The following ACTR10 variants were observed in gnomAD, a reference collection of about 807,000 sequenced individuals.
ACTR10 encodes actin related protein 10.
Under a neutral mutation model 56.2 loss-of-function variants are expected in ACTR10, and 43 were observed. The observed-to-expected ratio is 0.77, with a 90% CI of 0.60 to 0.99. The LOEUF is 0.99. ACTR10 is among the 50% of genes least tolerant of loss of function. ACTR10 has a pLI of 0.00. For missense variants in ACTR10, 466 were observed against 507.8 expected (o/e 0.92, Z 0.79); for synonymous variants, 170 against 176.3 (o/e 0.96, Z 0.28).
At chr14:58,233,915 A>C (rs998530755) in intron 12 of ACTR10, among the ~76,000 whole-genome samples, 1 of 152,220 alleles carries the variant, frequency 6.6e-6, no homozygotes, top group East Asian at 1.9e-4. Flanking sequence ...TTTTTAAAAG[A>C]CTGCCTTGTG....
At chr14:58,209,412 T>A (rs1888943697) in intron 4 of ACTR10, among the ~76,000 whole-genome samples, 1 of 152,170 alleles carries the variant, frequency 6.6e-6, no homozygotes, top group African/African-American at 2.4e-5. Flanking sequence ...ACTGTTTATT[T>A]ATTTTAATAT....
intron 7 of ACTR10, 126 bp from the exon 8 acceptor site, chr14:58,219,568 G>T: frequency 1.9e-6 from 1 of 533,602 alleles, no homozygotes; most frequent in Non-Finnish European, 3.2e-6. Context: ...TAGACTTTTT[G>T]AGAAAATTAT....
chr14:58,214,721 C>T (rs1889090970), intron 6 of ACTR10, among the ~76,000 whole-genome samples: 1 of 150,192 alleles, frequency 6.7e-6, no homozygotes, highest in African/African-American at 2.4e-5. Flanking sequence ...AAACTCCTGA[C>T]CTCAGGTGAT....
intron 2 of ACTR10, 126 bp downstream of exon 2, chr14:58,203,053 A>T: frequency 1.7e-6 from 1 of 580,042 alleles, no homozygotes; most frequent in Non-Finnish European, 2.9e-6. Flanking sequence ...TGTAATCCCA[A>T]CACTTTGGGT....
At chr14:58,228,841 G>A (rs567017787) in intron 10 of ACTR10, among the ~76,000 whole-genome samples, 1 of 151,774 alleles carries the variant, frequency 6.6e-6, no homozygotes, top group Non-Finnish European at 1.5e-5. Context: ...ATTGCATCTG[G>A]CCAAAGGCTG....
chr14:58,218,153 A>C (rs1889180581), intron 7 of ACTR10, among the ~76,000 whole-genome samples: 1 of 152,182 alleles, frequency 6.6e-6, no homozygotes, highest in South Asian at 2.1e-4. Context: ...GTTCTTTGAC[A>C]TGTTAAAATT....
At chr14:58,222,359 G>A (rs1418069897) in intron 8 of ACTR10, among the ~76,000 whole-genome samples, 5 of 152,132 alleles carry the variant, frequency 3.3e-5, no homozygotes, top group Non-Finnish European at 7.4e-5. Context: ...AATGCAAAAA[G>A]TAAAGTGATA....
At chr14:58,201,437 TA>T (rs928910603) in intron 1 of ACTR10, among the ~76,000 whole-genome samples, 2 of 151,836 alleles carry the variant, frequency 1.3e-5, no homozygotes, top group African/African-American at 4.8e-5. Context: ...ATGTATGAAG[TA>T]AAAAAAAGGA....
intron 10 of ACTR10, among the ~76,000 whole-genome samples, chr14:58,227,972 C>A (rs992642912): frequency 6.6e-6 from 1 of 152,146 alleles, no homozygotes; most frequent in East Asian, 1.9e-4. Context: ...CGCAGTGGCT[C>A]ACACCTGTAA....
chr14:58,217,201 A>G (rs1889152307), intron 7 of ACTR10, among the ~76,000 whole-genome samples: 1 of 152,228 alleles, frequency 6.6e-6, no homozygotes. Context: ...TAATATTTCC[A>G]TAAAATTATA....
intron 10 of ACTR10, among the ~76,000 whole-genome samples, chr14:58,227,225 T>C (rs1889425773): frequency 6.6e-6 from 1 of 151,852 alleles, no homozygotes; most frequent in African/African-American, 2.4e-5. Flanking sequence ...TAGGAATCAG[T>C]CTTGGTACAG....
chr14:58,200,409 T>A, intron 1 of ACTR10, 115 bp downstream of exon 1: 2 of 757,014 alleles, frequency 2.6e-6, no homozygotes, highest in Non-Finnish European at 3.7e-6. Flanking sequence ...GCCTCCCCTT[T>A]TCTTCAACCA....
At chr14:58,233,130 C>T (rs1378169824) in intron 12 of ACTR10, among the ~76,000 whole-genome samples, 1 of 152,130 alleles carries the variant, frequency 6.6e-6, no homozygotes, top group African/African-American at 2.4e-5. Flanking sequence ...GCCTCTGCCT[C>T]CCAAAGTGCT....
In ACTR10 at chr14:58,235,610, T is replaced by G. The variant is rs992382922; in HGVS notation, c.*1059T>G. ...AACTTTTATTTTATTTTTTCATTTG[T>G]TTTTAATGAACTACCTCTTGTTGAA... On this transcript the variant is annotated 3_prime_UTR_variant, in exon 13 of 13. Coordinates refer to ENST00000254286, the MANE Select transcript of ACTR10 (RefSeq NM_018477.3). 6.6e-6 allele frequency: 1 copy of G among 152,236 alleles called. No individual in the cohort carries two copies. The highest frequency in any genetic ancestry group is 2.4e-5 in the African/African-American group (1 of 41,464). 9.4% of individuals were successfully genotyped at this position (152,236 alleles called of 1,614,324 possible).
chr14:58,213,679 G>C lies in ACTR10; in HGVS notation c.499G>C (p.Gly167Arg). ...VLNCWGALPL[G>R]GKALHKELET... ...AAATTGTTGGGGAGCACTACCCCTA[G>C]GAGGAAAAGCTCTTCACAAGTAAGT... The change falls in exon 6 of 13, where the codon GGA becomes CGA. Residue 167 changes from glycine to arginine, a missense_variant. Gly to Arg is a moderately radical substitution (Grantham distance 125). Coordinates refer to ENST00000254286, the MANE Select transcript of ACTR10 (RefSeq NM_018477.3). 1.9e-6 allele frequency: 3 copies of C among 1,612,414 alleles called. No individual in the cohort carries two copies. Among genetic ancestry groups the C allele is most frequent in the Non-Finnish European group, 2.5e-6 (3 of 1,178,982 alleles).
In ACTR10 at chr14:58,209,109, T is replaced by C; in HGVS notation, c.342+2T>C. ...CGTGTTCTTTTCAAATATTTTGAGG[T>C]ACCTGTCTTTATATCAAATAAGTAA... On this transcript the variant is annotated splice_donor_variant, in intron 4 of 12. Coordinates refer to ENST00000254286, the MANE Select transcript of ACTR10 (RefSeq NM_018477.3). LOFTEE classifies it high-confidence loss of function. 6.4e-7 allele frequency: 1 copy of C among 1,551,956 alleles called. No homozygotes were observed. Among genetic ancestry groups the C allele is most frequent in the East Asian group, 2.3e-5 (1 of 43,208 alleles).
chr14:58,228,506 C>A (rs1486864820), intron 10 of ACTR10, among the ~76,000 whole-genome samples: 1 of 151,814 alleles, frequency 6.6e-6, no homozygotes. Flanking sequence ...CCTGTAATCA[C>A]ACCTACTTGG....
intron 11 of ACTR10, among the ~76,000 whole-genome samples, chr14:58,231,327 C>A (rs188489661): frequency 6.6e-6 from 1 of 151,458 alleles, no homozygotes; most frequent in Admixed American, 6.7e-5. Flanking sequence ...GCTGTACAGG[C>A]GTGAGCCACC....
intron 2 of ACTR10, among the ~76,000 whole-genome samples, chr14:58,205,415 T>C (rs989292928): frequency 2.7e-5 from 4 of 148,688 alleles, no homozygotes; most frequent in African/African-American, 7.4e-5. Flanking sequence ...CCCGGGTTCA[T>C]GCCATTCTCC....
Sources: allele counts gnomAD v4.1 joint callset (sites outside exome capture counted in the v4.1 genomes callset), GRCh38; gene constraint gnomAD v4.1.1; transcripts MANE v1.5; gene names NCBI Gene and HGNC (gene_info 2026-07-23, HGNC 2026-07-21).